PPP2R5C: variants seen among roughly 807,000 people sequenced by gnomAD.
PPP2R5C encodes serine/threonine-protein phosphatase 2A 56 kDa regulatory subunit gamma isoform.
A neutral mutation model predicts 68.9 loss-of-function variants in PPP2R5C; 7 were observed. The observed-to-expected ratio is 0.10, with a 90% CI of 0.06 to 0.19. PPP2R5C has a LOEUF of 0.19. PPP2R5C is among the 10% of genes least tolerant of loss of function. The pLI is 1.00. For missense variants in PPP2R5C, 348 were observed against 641.3 expected (o/e 0.54, Z 4.94); for synonymous variants, 210 against 222.2 (o/e 0.95, Z 0.49).
chr14:101,765,568 C>CTTT (rs568558671), intron 2 of PPP2R5C: 17 of 152,858 alleles, frequency 1.1e-4, no homozygotes, highest in South Asian at 4.3e-4. Context: ...GCTTTCAAGC[C>CTTT]TTTTTTTTTT....
chr14:101,909,523 G>T (rs2046268696), intron 10 of PPP2R5C, 66 bp from the exon 13 acceptor site: 1 of 1,093,546 alleles, frequency 9.1e-7, no homozygotes, highest in Non-Finnish European at 1.4e-6. Flanking sequence ...AGCAGCCTGA[G>T]AGTGGAGAGG....
chr14:101,822,998 G>A (rs1042867965), intron 1 of PPP2R5C, among the ~76,000 whole-genome samples: 2 of 152,056 alleles, frequency 1.3e-5, no homozygotes, highest in Admixed American at 1.3e-4. Context: ...TGTAACATAC[G>A]GGCTGAGACA....
At chr14:101,806,099 G>T (rs533520282), upstream of PPP2R5C, among the ~76,000 whole-genome samples, 360 of 151,996 alleles carry the variant, frequency 2.4e-3, 3 homozygotes, top group Middle Eastern at 0.014. Context: ...TTATTTTTTT[G>T]TTTTTATTTT....
chr14:101,765,347 G>C (rs2036795653), intron 2 of PPP2R5C: 17 of 674,464 alleles, frequency 2.5e-5, no homozygotes, highest in South Asian at 2.5e-4. Flanking sequence ...TGACCTTTGA[G>C]TTGACCCTTA....
intron 13 of PPP2R5C, among the ~76,000 whole-genome samples, chr14:101,918,989 G>A (rs1004797151): frequency 2.0e-5 from 3 of 152,098 alleles, no homozygotes; most frequent in African/African-American, 7.2e-5. Flanking sequence ...TAGGCGCCCC[G>A]CCTGTGGAGT....
intron 2 of PPP2R5C, among the ~76,000 whole-genome samples, chr14:101,861,433 G>A (rs2042730943): frequency 6.6e-6 from 1 of 152,142 alleles, no homozygotes; most frequent in African/African-American, 2.4e-5. Context: ...CTTTTTCACT[G>A]TATTGAAATT....
At chr14:101,803,079 T>C (rs7155148) in intron 3 of PPP2R5C, 21,081 of 151,822 alleles carry the variant, frequency 0.14, 1,618 homozygotes, top group Admixed American at 0.19. Flanking sequence ...GCTGGTTGCA[T>C]GTGCCTGTGG....
rs1425238850 is a variant in PPP2R5C, at chr14:101,913,027, T to C, written c.1326+554T>C. The stretch of plus-strand genomic sequence containing the variant: ...GTGTGCTCTGGTGAGTCTGCGCCGA[T>C]GGCCGGACGTCCCGGAGCTGCCGGC... On this transcript the variant is annotated intron_variant, in intron 12 of 13. Transcript: ENST00000334743. The surrounding 1 kb of genome is among the most constrained non-coding windows in gnomAD (Gnocchi z 4.1). Among the ~76,000 whole-genome samples the C allele has an allele frequency of 6.6e-6, 1 of 152,192 alleles. No individual in the cohort carries two copies. Among genetic ancestry groups the C allele is most frequent in the Non-Finnish European group, 1.5e-5 (1 of 68,022 alleles).
intron 2 of PPP2R5C, among the ~76,000 whole-genome samples, chr14:101,865,744 G>A (rs1468138985): frequency 1.3e-5 from 2 of 152,154 alleles, no homozygotes; most frequent in Non-Finnish European, 2.9e-5. Flanking sequence ...GGCAGCCCCC[G>A]TGACAAAGTT....
chr14:101,842,825 AC>A, intron 1 of PPP2R5C, among the ~76,000 whole-genome samples: 1 of 143,962 alleles, frequency 6.9e-6, no homozygotes, highest in Non-Finnish European at 1.5e-5. Context: ...TTATCTCCCC[AC>A]CATTTCCGTG....
upstream of PPP2R5C, chr14:101,809,840 C>T: frequency 6.8e-7 from 1 of 1,476,576 alleles, no homozygotes; most frequent in Non-Finnish European, 9.0e-7. Flanking sequence ...CAGCCAGTTC[C>T]CTCCAGCTGC....
chr14:101,806,139 C>T (rs1409012231), upstream of PPP2R5C, among the ~76,000 whole-genome samples: 1 of 151,896 alleles, frequency 6.6e-6, no homozygotes, highest in East Asian at 1.9e-4. Flanking sequence ...ATGTGTAGAA[C>T]GTGCAGGTTT....
intron 1 of PPP2R5C, among the ~76,000 whole-genome samples, chr14:101,832,643 G>T (rs998913525): frequency 2.6e-5 from 4 of 152,146 alleles, no homozygotes; most frequent in Admixed American, 2.6e-4. Context: ...GGCTTGCATA[G>T]ATGAAGACAA....
At chr14:101,828,478 G>A (rs373178416) in intron 1 of PPP2R5C, among the ~76,000 whole-genome samples, 3 of 151,878 alleles carry the variant, frequency 2.0e-5, no homozygotes, top group Admixed American at 1.3e-4. Context: ...GGGGAGTGTC[G>A]TATTCAGAGG....
rs1259467158 is a variant in PPP2R5C, at chr14:101,835,687, A to G, written c.95-20999A>G. On this transcript the variant is annotated intron_variant, in intron 1 of 13. Coordinates refer to ENST00000334743, the Ensembl canonical transcript of PPP2R5C. The surrounding 1 kb of genome is among the most constrained non-coding windows in gnomAD (Gnocchi z 5.0). ...GACACAGTCTTCATCTTGAGCAGGA[A>G]CGGTGAGACCACTCTTCTCCCTGTA... Among the ~76,000 whole-genome samples, 1 of 152,338 alleles carries G rather than the reference A, an allele frequency of 6.6e-6. No individual in the cohort carries two copies. The highest frequency in any genetic ancestry group is 1.9e-4 in the East Asian group (1 of 5,182).
At chr14:101,881,070 A>G (rs757327126) in intron 2 of PPP2R5C, among the ~76,000 whole-genome samples, 2 of 152,104 alleles carry the variant, frequency 1.3e-5, no homozygotes, top group Non-Finnish European at 2.9e-5. Context: ...GAGATTCAAT[A>G]AGGTAACCAA....
chr14:101,830,309 G>A (rs2040660122), intron 1 of PPP2R5C, among the ~76,000 whole-genome samples: 1 of 152,146 alleles, frequency 6.6e-6, no homozygotes, highest in South Asian at 2.1e-4. Flanking sequence ...TAGAACTTGG[G>A]AACTCTACAC....
At chr14:101,828,811 G>C (rs1215285170) in intron 1 of PPP2R5C, among the ~76,000 whole-genome samples, 2 of 151,546 alleles carry the variant, frequency 1.3e-5, no homozygotes, top group Non-Finnish European at 2.9e-5. Flanking sequence ...CCGAGCAACT[G>C]AGACTACAGG....
chr14:101,818,002 GTC>G (rs148124747), intron 1 of PPP2R5C: 6 of 151,318 alleles, frequency 4.0e-5, no homozygotes, highest in East Asian at 1.9e-4. Flanking sequence ...AAGCTCATCT[GTC>G]TCTCTCTCTC....
Sources: allele counts gnomAD v4.1 joint callset (sites outside exome capture counted in the v4.1 genomes callset), GRCh38; gene constraint gnomAD v4.1.1; non-coding constraint Gnocchi (gnomAD v3.1); transcripts MANE v1.5; gene names NCBI Gene and HGNC (gene_info 2026-07-23, HGNC 2026-07-21).